RIPOR3: variants seen among roughly 807,000 people sequenced by gnomAD.
RIPOR3 encodes RIPOR family member 3.
Under a neutral mutation model 114.3 loss-of-function variants are expected in RIPOR3, and 95 were observed. The ratio of observed to expected loss-of-function variants is 0.83; its 90% confidence interval spans 0.70 to 0.99. RIPOR3 has a LOEUF of 0.99. Ranked by LOEUF, RIPOR3 falls within the 50% of genes least tolerant of loss-of-function variation. The pLI is 0.00. For synonymous variants in RIPOR3, 575 were observed against 543.8 expected (o/e 1.06, Z -0.80); for missense variants, 1,252 against 1,266.9 (o/e 0.99, Z 0.18).
intron 4 of RIPOR3, among the ~76,000 whole-genome samples, chr20:50,612,124 C>CAAAA (rs542382125): frequency 1.1e-5 from 1 of 89,208 alleles, no homozygotes; most frequent in Non-Finnish European, 2.3e-5. Context: ...GACTCCATCT[C>CAAAA]AAAAAAAAAA....
At chr20:50,595,634 G>T in intron 15 of RIPOR3, 130 bp from the exon 16 acceptor site, 1 of 1,309,558 alleles carries the variant, frequency 7.6e-7, no homozygotes, top group Non-Finnish European at 1.0e-6. Context: ...CTGTCATTTG[G>T]GGATTCCCCT....
intron 1 of RIPOR3, among the ~76,000 whole-genome samples, chr20:50,681,365 A>G (rs902329610): frequency 6.6e-6 from 1 of 151,690 alleles, no homozygotes; most frequent in Non-Finnish European, 1.5e-5. Flanking sequence ...GTAACTGCTC[A>G]GAGGTATACA....
chr20:50,607,188 A>C (rs757689558), intron 11 of RIPOR3, among the ~76,000 whole-genome samples: 10 of 152,210 alleles, frequency 6.6e-5, no homozygotes, highest in Admixed American at 4.6e-4. Context: ...CCCCAGTTAG[A>C]GGCCCCTTTG....
intron 1 of RIPOR3, among the ~76,000 whole-genome samples, chr20:50,676,726 C>T (rs2123572825): frequency 6.6e-6 from 1 of 151,502 alleles, no homozygotes; most frequent in African/African-American, 2.4e-5. Flanking sequence ...GGCTCCACAA[C>T]ATCAGAAATG....
chr20:50,588,748 T>TGA (rs2083005112), intron 20 of RIPOR3, among the ~76,000 whole-genome samples: 1 of 86,194 alleles, frequency 1.2e-5, no homozygotes, highest in African/African-American at 4.8e-5. Flanking sequence ...AATTCTCAAG[T>TGA]GAAAAAAAAA....
intron 13 of RIPOR3, among the ~76,000 whole-genome samples, chr20:50,601,658 G>A (rs2122976190): frequency 1.3e-5 from 2 of 152,286 alleles, no homozygotes; most frequent in Middle Eastern, 6.8e-3. Flanking sequence ...CCCGGGGTAT[G>A]AGCCCTGTGG....
rs2083131294 is a variant in RIPOR3 at position 50,592,297 on chromosome 20, C to G, written c.2577+47G>C. 2.7e-6 allele frequency: 4 copies of G among 1,478,550 alleles called. No individual in the cohort carries two copies. In the South Asian group the frequency reaches 5.6e-5, roughly 21 times the overall value. 91.6% of individuals were successfully genotyped at this position (1,478,550 alleles called of 1,614,324 possible). On this transcript the variant is annotated intron_variant, in intron 19 of 21. Transcript: ENST00000327979. Reference sequence around the variant, plus strand: ...CCATGAGAACACCAGCTTACCTATGCCCACACATCTGTGGCCAGGGTCTGC... The same window carrying G: ...CCATGAGAACACCAGCTTACCTATGGCCACACATCTGTGGCCAGGGTCTGC...
In RIPOR3 at chr20:50,608,946, C is replaced by A. The variant is rs1212968353; in HGVS notation, c.650G>T (p.Gly217Val). The A allele has an allele frequency of 6.3e-7, 1 of 1,582,346 alleles. No homozygotes were observed. The highest frequency in any genetic ancestry group is 1.3e-5 in the African/African-American group (1 of 74,684). The change falls in exon 9 of 22, where the codon GGC (glycine) becomes GTC (valine). Residue 217 changes from glycine to valine, a missense_variant. Coordinates refer to ENST00000327979, the MANE Select transcript of RIPOR3 (RefSeq NM_001290268.2). The part of the protein sequence containing the change: ...EFHIRMKGLV[G>V]YARLCPGDHY... Reference sequence around the variant, plus strand: ...GTCTCCGGGACAGAGGCGTGCGTAGCCCACCAAGCCTGGAACACAGACATG... The same window carrying A: ...GTCTCCGGGACAGAGGCGTGCGTAGACCACCAAGCCTGGAACACAGACATG...
intron 1 of RIPOR3, among the ~76,000 whole-genome samples, chr20:50,673,722 T>C (rs1352615198): frequency 6.6e-6 from 1 of 152,162 alleles, no homozygotes; most frequent in Non-Finnish European, 1.5e-5. Flanking sequence ...CAGGCCCCAG[T>C]CCGGCCTCAC....
intron 1 of RIPOR3, among the ~76,000 whole-genome samples, chr20:50,638,750 G>A (rs946163521): frequency 1.3e-5 from 2 of 152,120 alleles, no homozygotes; most frequent in African/African-American, 4.8e-5. Flanking sequence ...AAGAAGCACA[G>A]GCTGACTTGG....
chr20:50,626,187 G>C (rs1397025568), intron 2 of RIPOR3, among the ~76,000 whole-genome samples: 2 of 152,270 alleles, frequency 1.3e-5, no homozygotes, highest in Admixed American at 6.5e-5. Context: ...CAGGGAGCTC[G>C]ACGGAGACAG....
chr20:50,623,683 G>A (rs1377744818), intron 2 of RIPOR3, among the ~76,000 whole-genome samples: 1 of 109,502 alleles, frequency 9.1e-6, no homozygotes, highest in Non-Finnish European at 1.7e-5. Context: ...GGGCTAGTGG[G>A]CTGCTGAACA....
At chr20:50,649,121 G>GACAGAGACTGT (rs1324392656) in intron 1 of RIPOR3, among the ~76,000 whole-genome samples, 1 of 152,118 alleles carries the variant, frequency 6.6e-6, no homozygotes, top group Non-Finnish European at 1.5e-5. Flanking sequence ...TGTCTTCACA[G>GACAGAGACTGT]CTCTTCCTCT....
chr20:50,654,731 G>A (rs2085746112), intron 1 of RIPOR3, among the ~76,000 whole-genome samples: 2 of 151,884 alleles, frequency 1.3e-5, no homozygotes, highest in South Asian at 4.2e-4. Context: ...GTGTTTGGTG[G>A]GGTTTTTTTG....
At chr20:50,607,267 G>A (rs1010025733) in intron 11 of RIPOR3, among the ~76,000 whole-genome samples, 1 of 152,126 alleles carries the variant, frequency 6.6e-6, no homozygotes, top group Non-Finnish European at 1.5e-5. Context: ...TGCGCTTACA[G>A]AAGAACCCCC....
rs2083835389 is a variant in RIPOR3, at chr20:50,608,893, C to T, written c.684+19G>A. The stretch of plus-strand genomic sequence containing the variant: ...CCTGGCGGGGAGCCCTGAGGATTGA[C>T]CCCAGAGAGTGGCCGTACCTCATAG... On this transcript the variant is annotated intron_variant, in intron 9 of 21. Coordinates refer to ENST00000327979, the MANE Select transcript of RIPOR3 (RefSeq NM_001290268.2). The T allele has an allele frequency of 6.3e-7, 1 of 1,597,738 alleles. No individual in the cohort carries two copies. Among genetic ancestry groups the T allele is most frequent in the Non-Finnish European group, 8.5e-7 (1 of 1,172,516 alleles).
Position 50,630,860 on chromosome 20 carries a change from C to T in RIPOR3, c.4-4G>A. On this transcript the variant is annotated splice_region_variant and splice_polypyrimidine_tract_variant and intron_variant, in intron 1 of 21. Coordinates refer to ENST00000327979, the MANE Select transcript of RIPOR3 (RefSeq NM_001290268.2). ...ACCTCACCGACATGGTGGTCACCTGCAAGGAGAGGACAGGAGAGTCAGCCT... is the reference window on the plus strand; with the variant it reads ...ACCTCACCGACATGGTGGTCACCTGTAAGGAGAGGACAGGAGAGTCAGCCT... 1 of 1,591,742 alleles carries T rather than the reference C, an allele frequency of 6.3e-7. No individual in the cohort carries two copies. Among genetic ancestry groups the T allele is most frequent in the Non-Finnish European group, 8.6e-7 (1 of 1,169,284 alleles).
At chr20:50,680,412 A>G (rs575156703) in intron 1 of RIPOR3, among the ~76,000 whole-genome samples, 2 of 152,392 alleles carry the variant, frequency 1.3e-5, no homozygotes, top group East Asian at 3.9e-4. Context: ...GTTAATCAAC[A>G]GAACTCAAGT....
At chr20:50,656,298 C>G (rs1444786301) in intron 1 of RIPOR3, among the ~76,000 whole-genome samples, 1 of 151,996 alleles carries the variant, frequency 6.6e-6, no homozygotes, top group South Asian at 2.1e-4. Flanking sequence ...GGCTGTGTAA[C>G]CCTGAGAATC....
Sources: allele counts gnomAD v4.1 joint callset (sites outside exome capture counted in the v4.1 genomes callset), GRCh38; gene constraint gnomAD v4.1.1; transcripts MANE v1.5; gene names NCBI Gene and HGNC (gene_info 2026-07-23, HGNC 2026-07-21).